The following ZNF385D variants were observed in gnomAD, a reference collection of about 807,000 sequenced individuals.
ZNF385D encodes the protein zinc finger protein 659.
Under a neutral mutation model 35.8 loss-of-function variants are expected in ZNF385D, and 15 were observed. That is an observed-to-expected ratio of 0.42 (90% CI 0.28 to 0.64). The LOEUF is 0.64. Among genes scored for constraint, ZNF385D ranks in the 30% least tolerant of loss-of-function variants. The pLI is 0.23. For synonymous variants in ZNF385D, 212 were observed against 186.8 expected (o/e 1.13, Z -1.10); for missense variants, 474 against 494.6 (o/e 0.96, Z 0.39).
chr3:22,102,762 T>G (rs1254177524), intron 3 of ZNF385D, among the ~76,000 whole-genome samples: 1 of 152,092 alleles, frequency 6.6e-6, no homozygotes, highest in Non-Finnish European at 1.5e-5. Context: ...AGAAAACTCA[T>G]ATTCCTTTCT....
intron 2 of ZNF385D, among the ~76,000 whole-genome samples, chr3:22,217,544 G>T (rs569425921): frequency 6.6e-6 from 1 of 152,270 alleles, no homozygotes; most frequent in South Asian, 2.1e-4. Flanking sequence ...AGTACTGGAT[G>T]TTGGGACTTT....
intron 3 of ZNF385D, among the ~76,000 whole-genome samples, chr3:21,883,887 G>A (rs181762827): frequency 1.4e-3 from 208 of 152,094 alleles, no homozygotes; most frequent in Non-Finnish European, 2.3e-3. Flanking sequence ...GACATGCTAC[G>A]ACATCTCATC....
chr3:21,727,512 A>G (rs112363184), intron 1 of ZNF385D, among the ~76,000 whole-genome samples: 1 of 152,250 alleles, frequency 6.6e-6, no homozygotes, highest in African/African-American at 2.4e-5. Context: ...GGCAAAGGAT[A>G]TGAACAGACA....
At chr3:21,739,468 T>C (rs904870974) in intron 1 of ZNF385D, among the ~76,000 whole-genome samples, 11 of 152,142 alleles carry the variant, frequency 7.2e-5, no homozygotes, top group African/African-American at 2.7e-4. Context: ...CCCTCATAAG[T>C]TGTTACAGAG....
At chr3:21,456,393 A>G (rs1431733263) in intron 4 of ZNF385D, among the ~76,000 whole-genome samples, 1 of 152,230 alleles carries the variant, frequency 6.6e-6, no homozygotes, top group Non-Finnish European at 1.5e-5. Flanking sequence ...ACACCATGGA[A>G]TACTATGCAG....
intron 4 of ZNF385D, among the ~76,000 whole-genome samples, chr3:21,470,230 G>T (rs537484064): frequency 3.7e-4 from 57 of 152,288 alleles, no homozygotes; most frequent in African/African-American, 1.2e-3. Context: ...AAGAGTTAAA[G>T]AATTGAGAGC....
At chr3:22,132,305 T>A (rs1703849616) in intron 3 of ZNF385D, among the ~76,000 whole-genome samples, 1 of 152,142 alleles carries the variant, frequency 6.6e-6, no homozygotes, top group Admixed American at 6.6e-5. Context: ...ATCTATGAAC[T>A]AAGAAACGGA....
At chr3:21,686,195 G>A (rs542637580) in intron 1 of ZNF385D, among the ~76,000 whole-genome samples, 22 of 152,126 alleles carry the variant, frequency 1.4e-4, no homozygotes, top group Non-Finnish European at 2.9e-4. Flanking sequence ...TTAGGAAAGT[G>A]TACAAATGTG....
At chr3:21,793,216 G>T (rs1448780602) in intron 3 of ZNF385D, among the ~76,000 whole-genome samples, 1 of 152,174 alleles carries the variant, frequency 6.6e-6, no homozygotes, top group Non-Finnish European at 1.5e-5. Context: ...AGCTAGCCAT[G>T]AGAGCCACTG....
Position 21,425,670 on chromosome 3 carries a change from C to A in ZNF385D, c.674G>T (p.Gly225Val). The A allele has an allele frequency of 3.3e-6, 5 of 1,533,202 alleles. No homozygotes were observed. Among genetic ancestry groups the A allele is most frequent in the South Asian group, 1.2e-5 (1 of 80,778 alleles). 95.0% of individuals were successfully genotyped at this position (1,533,202 alleles called of 1,614,324 possible). ...SASQLEAHNS[G>V]TKHKTMLEAR... ...TTCTAACATGGTTTTGTGCTTAGTA[C>A]CTGTCAGGAATATTGAAATGAAGGA... The change falls in exon 6 of 8, where the codon GGT (glycine) becomes GTT (valine). Residue 225 changes from glycine (G) to valine (V), a missense_variant and splice_region_variant. Gly to Val is a moderately radical substitution (Grantham distance 109). Coordinates refer to ENST00000281523, the MANE Select transcript of ZNF385D (RefSeq NM_024697.3).
At chr3:21,502,786 A>G (rs1389865827) in intron 4 of ZNF385D, among the ~76,000 whole-genome samples, 2 of 152,286 alleles carry the variant, frequency 1.3e-5, no homozygotes, top group East Asian at 3.9e-4. Context: ...TTGAGAAGGG[A>G]ACACTTGATA....
intron 3 of ZNF385D, among the ~76,000 whole-genome samples, chr3:22,130,681 G>A (rs543757336): frequency 6.6e-6 from 1 of 152,244 alleles, no homozygotes; most frequent in East Asian, 1.9e-4. Context: ...GACACTGCTG[G>A]GAGATAGGAG....
intron 2 of ZNF385D, among the ~76,000 whole-genome samples, chr3:22,186,440 A>G (rs756377731): frequency 1.7e-4 from 26 of 152,182 alleles, no homozygotes; most frequent in Admixed American, 3.9e-4. Context: ...TTCAGTGGAG[A>G]TAAGTCTTGT....
At chr3:22,004,897 C>A (rs13068226) in intron 3 of ZNF385D, among the ~76,000 whole-genome samples, 16,171 of 151,758 alleles carry the variant, frequency 0.11, 1,142 homozygotes, top group South Asian at 0.26. Flanking sequence ...ATGTGTAAAA[C>A]CAAGCTGTGC....
At chr3:22,359,807 C>T (rs992151380) in intron 2 of ZNF385D, among the ~76,000 whole-genome samples, 2 of 151,822 alleles carry the variant, frequency 1.3e-5, no homozygotes, top group Admixed American at 6.6e-5. Context: ...AGTTATGAAA[C>T]ATATATAAAC....
At chr3:21,978,878 T>C (rs60235084) in intron 3 of ZNF385D, among the ~76,000 whole-genome samples, 179 of 151,666 alleles carry the variant, frequency 1.2e-3, no homozygotes, top group African/African-American at 4.0e-3. Flanking sequence ...ATATTCAACT[T>C]AAAAAAAATT....
chr3:21,543,073 G>A (rs975448419), intron 3 of ZNF385D: 1 of 152,448 alleles, frequency 6.6e-6, no homozygotes, highest in Non-Finnish European at 1.5e-5. Flanking sequence ...AGCACTTTGG[G>A]AGGCCAAGGC....
chr3:22,211,774 G>C (rs1697542481), intron 2 of ZNF385D, among the ~76,000 whole-genome samples: 1 of 151,892 alleles, frequency 6.6e-6, no homozygotes, highest in Non-Finnish European at 1.5e-5. Flanking sequence ...CATATTTCTT[G>C]ACTACACTCT....
chr3:21,850,597 A>G (rs917854644), intron 3 of ZNF385D, among the ~76,000 whole-genome samples: 4 of 152,152 alleles, frequency 2.6e-5, no homozygotes, highest in African/African-American at 4.8e-5. Flanking sequence ...AGACTTCCCC[A>G]AGCCAGAAAA....
Sources: allele counts gnomAD v4.1 joint callset (sites outside exome capture counted in the v4.1 genomes callset), GRCh38; gene constraint gnomAD v4.1.1; transcripts MANE v1.5; gene names NCBI Gene and HGNC (gene_info 2026-07-23, HGNC 2026-07-21).